The following SUGCT variants were observed in gnomAD, a reference collection of about 807,000 sequenced individuals.
SUGCT encodes the protein succinyl-CoA:glutarate CoA-transferase.
In SUGCT, 41 loss-of-function variants were observed where a neutral mutation model predicts 55.0. That is an observed-to-expected ratio of 0.74 (90% CI 0.58 to 0.97). The LOEUF is 0.97. Among genes scored for constraint, SUGCT ranks in the 50% least tolerant of loss-of-function variants. The pLI is 0.00. For missense variants in SUGCT, 568 were observed against 547.8 expected (o/e 1.04, Z -0.37); for synonymous variants, 187 against 200.4 (o/e 0.93, Z 0.56).
At chr7:41,006,070 T>C in the SUGCT span, among the ~76,000 whole-genome samples, 4 of 152,218 alleles carry the variant, frequency 2.6e-5, no homozygotes, top group Non-Finnish European at 4.4e-5. Context: ...GAGACATGAC[T>C]GTGGAGATGA....
At chr7:40,764,866 C>T (rs369467875) in intron 13 of SUGCT, among the ~76,000 whole-genome samples, 166 of 152,206 alleles carry the variant, frequency 1.1e-3, no homozygotes, top group East Asian at 2.3e-3. Context: ...ACAGTTCTTC[C>T]AAGCATGCCA....
intron 9 of SUGCT, among the ~76,000 whole-genome samples, chr7:40,417,321 T>C (rs953738984): frequency 5.3e-5 from 8 of 152,114 alleles, no homozygotes; most frequent in African/African-American, 1.7e-4. Context: ...TTTTCTTTTT[T>C]AGTAATGATT....
chr7:41,021,604 G>A, the SUGCT span, among the ~76,000 whole-genome samples: 1 of 152,072 alleles, frequency 6.6e-6, no homozygotes, highest in Admixed American at 6.6e-5. Context: ...TCAACGATGG[G>A]AGTATTAATG....
chr7:40,686,386 T>G (rs1195347470), intron 12 of SUGCT, among the ~76,000 whole-genome samples: 8 of 152,300 alleles, frequency 5.3e-5, no homozygotes, highest in Admixed American at 4.6e-4. Flanking sequence ...GGTAATTAAG[T>G]TTATGTGTAT....
chr7:40,812,229 G>T (rs1008701264), intron 13 of SUGCT, among the ~76,000 whole-genome samples: 10 of 152,004 alleles, frequency 6.6e-5, no homozygotes, highest in Non-Finnish European at 7.4e-5. Context: ...TTGGTATCAG[G>T]GTGATGTTAG....
chr7:40,331,817 C>A (rs1006111500), intron 9 of SUGCT, among the ~76,000 whole-genome samples: 6 of 152,154 alleles, frequency 3.9e-5, no homozygotes, highest in African/African-American at 1.4e-4. Flanking sequence ...AGAACAGTAA[C>A]TGGGAGAGAA....
At chr7:40,748,720 A>G (rs1448826175) in intron 12 of SUGCT, among the ~76,000 whole-genome samples, 1 of 152,144 alleles carries the variant, frequency 6.6e-6, no homozygotes, top group Non-Finnish European at 1.5e-5. Flanking sequence ...GAACCTAATC[A>G]GCCCTCTGGG....
the SUGCT span, among the ~76,000 whole-genome samples, chr7:40,947,395 A>G: frequency 6.6e-6 from 1 of 151,956 alleles, no homozygotes; most frequent in African/African-American, 2.4e-5. Flanking sequence ...TACATGTTTA[A>G]ATTATCTGAT....
At chr7:40,598,719 A>G (rs1366229134) in intron 12 of SUGCT, among the ~76,000 whole-genome samples, 4 of 152,198 alleles carry the variant, frequency 2.6e-5, no homozygotes. Flanking sequence ...ATTATTTGAG[A>G]AAACCAGGTG....
At chr7:40,189,248 A>T (rs1440721139) in intron 4 of SUGCT, among the ~76,000 whole-genome samples, 1 of 152,128 alleles carries the variant, frequency 6.6e-6, no homozygotes, top group Non-Finnish European at 1.5e-5. Flanking sequence ...AGGCTGAGGC[A>T]TGTGAATCGC....
At chr7:40,657,626 C>G (rs959745609) in intron 12 of SUGCT, among the ~76,000 whole-genome samples, 1 of 152,082 alleles carries the variant, frequency 6.6e-6, no homozygotes, top group Non-Finnish European at 1.5e-5. Flanking sequence ...CCTCTGCCTC[C>G]CGGGTTCAAG....
the SUGCT span, among the ~76,000 whole-genome samples, chr7:41,003,283 A>G: frequency 6.6e-6 from 1 of 152,148 alleles, no homozygotes; most frequent in Non-Finnish European, 1.5e-5. Flanking sequence ...TTCAGATTTA[A>G]CTCAGATACA....
intron 12 of SUGCT, among the ~76,000 whole-genome samples, chr7:40,632,901 G>T (rs759353310): frequency 6.6e-6 from 1 of 152,080 alleles, no homozygotes; most frequent in Non-Finnish European, 1.5e-5. Context: ...CATGAGTCTG[G>T]ATACAGACTC....
intron 9 of SUGCT, among the ~76,000 whole-genome samples, chr7:40,448,342 T>G (rs1245693725): frequency 6.6e-6 from 1 of 151,766 alleles, no homozygotes; most frequent in Non-Finnish European, 1.5e-5. Context: ...TGCCTTATAA[T>G]GCTTTTTGCC....
At chr7:40,758,364 G>A (rs940913800) in intron 13 of SUGCT, among the ~76,000 whole-genome samples, 1 of 151,990 alleles carries the variant, frequency 6.6e-6, no homozygotes, top group Admixed American at 6.6e-5. Flanking sequence ...TCTTTACTAA[G>A]CCAGATGGAG....
At chr7:41,016,782 A>G in the SUGCT span, among the ~76,000 whole-genome samples, 1 of 152,136 alleles carries the variant, frequency 6.6e-6, no homozygotes, top group South Asian at 2.1e-4. Flanking sequence ...AGGATCTCCC[A>G]TTCTAATGCT....
At chr7:40,683,976 A>T in intron 12 of SUGCT, 1 of 1,575,928 alleles carries the variant, frequency 6.3e-7, no homozygotes, top group South Asian at 1.2e-5. Flanking sequence ...CATTTCCTTG[A>T]TCATGTGTGT....
At chr7:40,318,758 C>T (rs749425681) in intron 9 of SUGCT, among the ~76,000 whole-genome samples, 9 of 152,166 alleles carry the variant, frequency 5.9e-5, no homozygotes, top group Non-Finnish European at 1.3e-4. Flanking sequence ...CTTTTATGTA[C>T]GTGAAGAAAG....
chr7:40,391,866 A>C (rs1157509520), intron 9 of SUGCT, among the ~76,000 whole-genome samples: 1 of 152,202 alleles, frequency 6.6e-6, no homozygotes, highest in Admixed American at 6.5e-5. Context: ...TCACAATAGC[A>C]AAGACTTGGA....
Sources: gnomAD v4.1 joint callset for allele counts (sites outside exome capture counted in the v4.1 genomes callset) on GRCh38, gnomAD v4.1.1 for gene constraint, MANE v1.5 for transcripts, NCBI Gene and HGNC (gene_info 2026-07-23, HGNC 2026-07-21) for gene names.